The following RPS6KA3 variants were observed in gnomAD, a reference collection of about 807,000 sequenced individuals.
RPS6KA3 encodes ribosomal protein S6 kinase A3.
Under a neutral mutation model 67.2 loss-of-function variants are expected in RPS6KA3, and 4 were observed. The observed-to-expected ratio is 0.06, with a 90% confidence interval of 0.03 to 0.14. RPS6KA3 has a LOEUF of 0.14. Ranked by LOEUF, RPS6KA3 falls within the 10% of genes least tolerant of loss-of-function variation. The pLI is 1.00. For missense variants in RPS6KA3, 204 were observed against 559.0 expected, an observed-to-expected ratio of 0.36 and a Z score of 6.40; for synonymous variants, 182 against 183.7, an observed-to-expected ratio of 0.99 and a Z score of 0.07.
chrX:20,195,590 G>A (rs186949500), intron 4 of RPS6KA3, among the ~76,000 whole-genome samples: 47 of 111,837 alleles, frequency 4.2e-4, no homozygotes, highest in Non-Finnish European at 7.9e-4. Context: ...GCAGACATGG[G>A]GTAAAGGACA....
Position 20,261,024 on chromosome X carries a change from T to C in RPS6KA3, c.69+5540A>G, listed in dbSNP as rs193125497. ...TACTTAATTACTAGTAACTAATGTA[T>C]TTGCTTAAAATAGGTCACATGACAA... is the stretch of plus-strand genomic sequence containing the variant. On this transcript the variant is annotated intron_variant, in intron 1 of 21. Transcript: ENST00000379565. Among the ~76,000 whole-genome samples the C allele has an allele frequency of 9.1e-4, 102 of 111,779 alleles. 1 individual carries two copies. The highest frequency in any genetic ancestry group is 3.0e-3 in the African/African-American group (93 of 30,815).
intron 20 of RPS6KA3, among the ~76,000 whole-genome samples, chrX:20,160,672 G>GC (rs2067285174): frequency 9.0e-6 from 1 of 111,276 alleles, no homozygotes; most frequent in Non-Finnish European, 1.9e-5. Flanking sequence ...CAAGTGATCC[G>GC]CCCACCTCGG....
At position 20,266,779 on chromosome X, in the gene RPS6KA3, C is replaced by A; in HGVS notation, c.-147G>T. ...GCAGCGGCAGCGGCAGCAGCAGCAG[C>A]AGCGGCGGCGGCCCCAGAGAGGGCT... On this transcript the variant is annotated 5_prime_UTR_variant, in exon 1 of 22. Transcript: ENST00000379565. 1 of 353,924 alleles carries A rather than the reference C, an allele frequency of 2.8e-6. No homozygotes were observed. Among genetic ancestry groups the A allele is most frequent in the Non-Finnish European group, 3.6e-6 (1 of 274,042 alleles). 29.2% of individuals were successfully genotyped at this position (353,924 alleles called of 1,213,427 possible).
intron 1 of RPS6KA3, among the ~76,000 whole-genome samples, chrX:20,262,930 T>A (rs2070274116): frequency 9.0e-6 from 1 of 111,446 alleles, no homozygotes. Flanking sequence ...AGGTTAAAAA[T>A]GGCTGCACAT....
rs57434023 is a variant in RPS6KA3 at position 20,189,284 on chromosome X, T to C, written c.594-750A>G. Among the ~76,000 whole-genome samples, 508 of 112,319 alleles carry C rather than the reference T, an allele frequency of 4.5e-3. 7 individuals carry two copies. Among genetic ancestry groups the C allele is most frequent in the African/African-American group, 0.016 (482 of 30,944 alleles). On this transcript the variant is annotated intron_variant, in intron 7 of 21. Coordinates refer to ENST00000379565, the MANE Select transcript of RPS6KA3 (RefSeq NM_004586.3). ...GAAGGTTTGACCTTATTCATCTTTATAGCTCAGTGTCTGGCAGTGTACAGT... is the reference window on the plus strand; with the variant it reads ...GAAGGTTTGACCTTATTCATCTTTACAGCTCAGTGTCTGGCAGTGTACAGT...
intron 1 of RPS6KA3, among the ~76,000 whole-genome samples, chrX:20,242,033 C>G (rs1603430928): frequency 9.0e-6 from 1 of 111,375 alleles, no homozygotes; most frequent in Middle Eastern, 4.7e-3. Context: ...CTGACACCAA[C>G]CTAATATCTA....
intron 5 of RPS6KA3, 116 bp downstream of exon 5, chrX:20,194,949 T>C (rs2068234237): frequency 1.3e-5 from 6 of 460,328 alleles, no homozygotes; most frequent in South Asian, 3.7e-5. Flanking sequence ...CTTATTACTA[T>C]ATAGATCTGC....
chrX:20,205,260 T>C (rs1041203799), intron 3 of RPS6KA3, among the ~76,000 whole-genome samples: 2 of 112,631 alleles, frequency 1.8e-5, no homozygotes, highest in African/African-American at 6.5e-5. Context: ...CAAATAGATT[T>C]GAATTTCAAC....
At chrX:20,185,310 A>G (rs1439352607) in intron 10 of RPS6KA3, among the ~76,000 whole-genome samples, 3 of 111,905 alleles carry the variant, frequency 2.7e-5, no homozygotes, top group African/African-American at 9.7e-5. Context: ...TTGACCTTGT[A>G]TCCAGTAACT....
intron 2 of RPS6KA3, among the ~76,000 whole-genome samples, chrX:20,230,421 GA>G (rs2069229748): frequency 8.9e-6 from 1 of 112,101 alleles, no homozygotes; most frequent in Non-Finnish European, 1.9e-5. Context: ...CATCTCAGTT[GA>G]AATGACATCT....
At chrX:20,244,417 A>G (rs943952193) in intron 1 of RPS6KA3, among the ~76,000 whole-genome samples, 3 of 112,628 alleles carry the variant, frequency 2.7e-5, no homozygotes, top group Non-Finnish European at 3.8e-5. Context: ...ATTCTTCTAA[A>G]TAACTACTGG....
chrX:20,252,324 A>G (rs1483070161), intron 1 of RPS6KA3, among the ~76,000 whole-genome samples: 3 of 111,133 alleles, frequency 2.7e-5, no homozygotes, highest in Admixed American at 9.5e-5. Flanking sequence ...TTTCTCACTC[A>G]TGTTGCGATT....
At chrX:20,266,505 C>A in intron 1 of RPS6KA3, 59 bp downstream of exon 1, 1 of 979,328 alleles carries the variant, frequency 1.0e-6, no homozygotes, top group Non-Finnish European at 1.4e-6. Flanking sequence ...GGGAGCGAAG[C>A]GAGCCGGCGG....
intron 1 of RPS6KA3, among the ~76,000 whole-genome samples, chrX:20,238,997 G>C (rs1002017648): frequency 2.7e-5 from 3 of 111,233 alleles, no homozygotes; most frequent in African/African-American, 9.8e-5. Context: ...CTAAGTTTAA[G>C]GAATAGTACT....
At chrX:20,192,599 T>C (rs1180762540) in intron 7 of RPS6KA3, among the ~76,000 whole-genome samples, 10 of 89,110 alleles carry the variant, frequency 1.1e-4, no homozygotes, top group South Asian at 1.1e-3. Flanking sequence ...TTTCTTTTTT[T>C]TTTTTTTTTT....
chrX:20,210,854 TA>T (rs2068695176), intron 2 of RPS6KA3, among the ~76,000 whole-genome samples: 1 of 111,264 alleles, frequency 9.0e-6, no homozygotes, highest in Non-Finnish European at 1.9e-5. Context: ...AGCTGACTCT[TA>T]AAACGCTACC....
chrX:20,160,236 T>C (rs1243431845), intron 20 of RPS6KA3, among the ~76,000 whole-genome samples: 1 of 111,807 alleles, frequency 8.9e-6, no homozygotes, highest in Non-Finnish European at 1.9e-5. Flanking sequence ...GTCTCCCAAC[T>C]AGACTGTGAG....
intron 9 of RPS6KA3, among the ~76,000 whole-genome samples, chrX:20,186,798 A>G (rs1222588298): frequency 8.9e-6 from 1 of 111,855 alleles, no homozygotes; most frequent in Admixed American, 9.5e-5. Context: ...AAGTGTAGAT[A>G]TGTGAACAAT....
At chrX:20,259,604 G>A (rs755527769) in intron 1 of RPS6KA3, among the ~76,000 whole-genome samples, 3 of 111,148 alleles carry the variant, frequency 2.7e-5, no homozygotes, top group Admixed American at 9.6e-5. Flanking sequence ...ATACTGGATC[G>A]CGTTACTGTA....
Sources: allele counts gnomAD v4.1 joint callset (sites outside exome capture counted in the v4.1 genomes callset), GRCh38; gene constraint gnomAD v4.1.1; transcripts MANE v1.5; gene names NCBI Gene and HGNC (gene_info 2026-07-23, HGNC 2026-07-21).